Variants in PRKG1 observed in about 807,000 individuals in gnomAD.
PRKG1 encodes cGMP-dependent protein kinase 1.
In PRKG1, 35 loss-of-function variants were observed where a neutral mutation model predicts 88.1. That is an observed-to-expected ratio of 0.40 (90% CI 0.30 to 0.53). PRKG1 has a LOEUF of 0.53. Among genes scored for constraint, PRKG1 ranks in the 20% least tolerant of loss-of-function variants. The pLI, the probability that PRKG1 is intolerant of heterozygous loss-of-function variation, is 0.59. For missense variants in PRKG1, 540 were observed against 839.8 expected, an observed-to-expected ratio of 0.64 and a Z score of 4.41; for synonymous variants, 303 against 292.5, an observed-to-expected ratio of 1.04 and a Z score of -0.37.
chr10:51,490,285 A>T (rs1380012480), intron 3 of PRKG1, among the ~76,000 whole-genome samples: 1 of 152,156 alleles, frequency 6.6e-6, no homozygotes, highest in African/African-American at 2.4e-5. Context: ...TCTTCTGGTG[A>T]TTCCACATTT....
intron 1 of PRKG1, among the ~76,000 whole-genome samples, chr10:51,001,189 G>A (rs1428874832): frequency 6.6e-6 from 1 of 152,162 alleles, no homozygotes; most frequent in Non-Finnish European, 1.5e-5. Flanking sequence ...AAATAATAAA[G>A]GATGCTGGGG....
intron 2 of PRKG1, among the ~76,000 whole-genome samples, chr10:51,314,769 AGGACTGAATCTGT>A (rs1841277971): frequency 1.3e-5 from 2 of 152,318 alleles, no homozygotes; most frequent in South Asian, 4.1e-4. Context: ...TTTTCTTATG[AGGACTGAATCTGT>A]GGACTCTGTG....
Position 51,062,433 on chromosome 10 carries a change from A to G in PRKG1, c.266+70789A>G, listed in dbSNP as rs554616513. 8 of 152,234 alleles carry G rather than the reference A, an allele frequency of 5.3e-5. No homozygotes were observed. The East Asian group carries it at 1.2e-3, about 22-fold the overall frequency. 9.4% of individuals were successfully genotyped at this position (152,234 alleles called of 1,614,324 possible). A position where few individuals can be genotyped will look rare whatever the true frequency, so the allele number is the denominator to read the frequency against. ...GACAGACTTCACTTTTCTCTGGGATATTGGCCCCTCAATTCCTTGCTGCTT... is the reference window on the plus strand; with the variant it reads ...GACAGACTTCACTTTTCTCTGGGATGTTGGCCCCTCAATTCCTTGCTGCTT... On this transcript the variant is annotated intron_variant, in intron 1 of 17. Coordinates refer to the PRKG1 transcript ENST00000401604.
At chr10:52,271,860 A>T (rs936386123) in intron 11 of PRKG1, among the ~76,000 whole-genome samples, 1 of 152,136 alleles carries the variant, frequency 6.6e-6, no homozygotes, top group African/African-American at 2.4e-5. Flanking sequence ...ATCTAAAAAA[A>T]TGAAATGACA....
chr10:51,106,599 C>T (rs1434535331), intron 1 of PRKG1, among the ~76,000 whole-genome samples: 1 of 152,164 alleles, frequency 6.6e-6, no homozygotes. Flanking sequence ...CTTTCTTCAG[C>T]AGCAGAGACA....
intron 5 of PRKG1, among the ~76,000 whole-genome samples, chr10:52,036,505 G>A (rs1845613359): frequency 6.6e-6 from 1 of 151,766 alleles, no homozygotes; most frequent in African/African-American, 2.4e-5. Context: ...GCTGCGGGAT[G>A]GGATATTGGC....
intron 9 of PRKG1, among the ~76,000 whole-genome samples, chr10:52,226,837 T>A (rs1211627669): frequency 6.6e-6 from 1 of 152,150 alleles, no homozygotes; most frequent in Non-Finnish European, 1.5e-5. Context: ...GGTCAACATG[T>A]CAGTCATAAT....
intron 9 of PRKG1, among the ~76,000 whole-genome samples, chr10:52,240,049 T>C (rs907291402): frequency 1.3e-5 from 2 of 152,172 alleles, no homozygotes; most frequent in Non-Finnish European, 2.9e-5. Flanking sequence ...AGTTATCTGA[T>C]TTTGAGAGGG....
chr10:51,537,274 A>G (rs968852037), intron 3 of PRKG1, among the ~76,000 whole-genome samples: 9 of 152,206 alleles, frequency 5.9e-5, no homozygotes, highest in African/African-American at 2.2e-4. Flanking sequence ...AGCATCTAAT[A>G]GGTGAATAAT....
At chr10:51,358,119 G>A (rs1306897297) in intron 2 of PRKG1, among the ~76,000 whole-genome samples, 1 of 151,924 alleles carries the variant, frequency 6.6e-6, no homozygotes, top group Non-Finnish European at 1.5e-5. Context: ...AGGGGGTCAT[G>A]AGATTGTAGT....
chr10:51,688,194 T>C lies in PRKG1; in HGVS notation c.593-116391T>C, dbSNP rs552173378. On this transcript the variant is annotated intron_variant, in intron 3 of 17. Transcript: ENST00000373980. ...CAAACATTTATTTGCATGTGGATCC[T>C]TGGGGATCTTATTAATATGCAGGCT... is the stretch of plus-strand genomic sequence containing the variant. 9.2e-5 allele frequency among the ~76,000 whole-genome samples: 14 copies of C among 152,312 alleles called. 1 individual carries two copies. The East Asian group carries it at 2.7e-3, about 29-fold the overall frequency.
intron 5 of PRKG1, among the ~76,000 whole-genome samples, chr10:51,949,459 AAT>A (rs145622381): frequency 8.6e-5 from 13 of 150,358 alleles, no homozygotes; most frequent in South Asian, 4.2e-4. Flanking sequence ...TAAATAAATA[AAT>A]ATATATATAT....
intron 3 of PRKG1, among the ~76,000 whole-genome samples, chr10:51,759,371 AT>A (rs1837959206): frequency 6.6e-6 from 1 of 151,628 alleles, no homozygotes; most frequent in East Asian, 2.0e-4. Flanking sequence ...GGTTCAAGCG[AT>A]TTTCCTGCCT....
chr10:51,589,116 T>G (rs1269466176), intron 3 of PRKG1, among the ~76,000 whole-genome samples: 1 of 152,108 alleles, frequency 6.6e-6, no homozygotes, highest in East Asian at 1.9e-4. Flanking sequence ...ATTTTGTTGC[T>G]GAGTTGCTAA....
intron 5 of PRKG1, among the ~76,000 whole-genome samples, chr10:52,037,198 G>A (rs1229020824): frequency 1.3e-5 from 2 of 152,216 alleles, no homozygotes; most frequent in Middle Eastern, 3.2e-3. Flanking sequence ...GCATTCCTTG[G>A]CCCAGTGGCC....
At chr10:51,922,944 C>G (rs1842492755) in intron 5 of PRKG1, among the ~76,000 whole-genome samples, 1 of 151,964 alleles carries the variant, frequency 6.6e-6, no homozygotes, top group Admixed American at 6.6e-5. Flanking sequence ...GAACTACATC[C>G]TTACTAAAAT....
At position 51,570,067 on chromosome 10, in the gene PRKG1, A is replaced by ATATATATATATATATATATATATGTG. The variant is rs1491310201; in HGVS notation, c.592+102232_592+102233insATATATATATATATATATATATGTGT. 1.6e-3 allele frequency among the ~76,000 whole-genome samples: 182 copies of ATATATATATATATATATATATATGTG among 113,030 alleles called. 1 individual carries two copies. The highest frequency in any genetic ancestry group is 2.6e-3 in the Non-Finnish European group (137 of 52,792). 74.2% of individuals were successfully genotyped at this position (113,030 alleles called of 152,430 possible). On this transcript the variant is annotated intron_variant, in intron 3 of 17. Transcript: ENST00000373980. ...CAAACTAGTATATATATATATATAT[A>ATATATATATATATATATATATATGTG]TGTGTGTGTGTGTTTATATATGTAT...
At chr10:51,400,598 G>A (rs293237) in intron 2 of PRKG1, among the ~76,000 whole-genome samples, 3 of 152,134 alleles carry the variant, frequency 2.0e-5, no homozygotes, top group African/African-American at 4.8e-5. Context: ...GACTCTTAAG[G>A]GATTCAGTAA....
At chr10:51,493,345 A>T (rs934530194) in intron 3 of PRKG1, among the ~76,000 whole-genome samples, 1 of 152,192 alleles carries the variant, frequency 6.6e-6, no homozygotes, top group African/African-American at 2.4e-5. Context: ...TGATAATTTT[A>T]AAATTTGTTG....
Sources: allele counts gnomAD v4.1 joint callset (sites outside exome capture counted in the v4.1 genomes callset), GRCh38; gene constraint gnomAD v4.1.1; transcripts MANE v1.5; gene names NCBI Gene and HGNC (gene_info 2026-07-23, HGNC 2026-07-21).